ANTXR2: variants seen among roughly 807,000 people sequenced by gnomAD.
The protein encoded by ANTXR2 is ANTXR cell adhesion molecule 2.
In ANTXR2, 44 loss-of-function variants were observed where a neutral mutation model predicts 73.7. The ratio of observed to expected loss-of-function variants is 0.60; its 90% CI spans 0.47 to 0.77. ANTXR2 has a LOEUF of 0.77. Among genes scored for constraint, ANTXR2 ranks in the 30% least tolerant of loss-of-function variants. The pLI, the probability that ANTXR2 is intolerant of heterozygous loss-of-function variation, is 0.00. For missense variants in ANTXR2, 604 were observed against 592.5 expected (o/e 1.02, Z -0.20); for synonymous variants, 217 against 205.9 (o/e 1.05, Z -0.46).
chr4:79,915,510 G>A (rs966823363), intron 16 of ANTXR2, among the ~76,000 whole-genome samples: 5 of 151,976 alleles, frequency 3.3e-5, no homozygotes, highest in African/African-American at 1.2e-4. Flanking sequence ...GCAAACAACT[G>A]CACTTTAGTT....
At chr4:80,049,419 G>A (rs1219954835) in intron 7 of ANTXR2, among the ~76,000 whole-genome samples, 7 of 151,658 alleles carry the variant, frequency 4.6e-5, no homozygotes, top group Non-Finnish European at 8.9e-5. Context: ...ACATTCCAAG[G>A]ATTTAAAGAT....
chr4:80,001,751 T>C (rs1169278361), intron 12 of ANTXR2, among the ~76,000 whole-genome samples: 1 of 151,496 alleles, frequency 6.6e-6, no homozygotes, highest in Non-Finnish European at 1.5e-5. Flanking sequence ...GGTGCATATA[T>C]ATTTAGGATA....
At chr4:80,068,508 C>A (rs1293988457) in intron 3 of ANTXR2, among the ~76,000 whole-genome samples, 3 of 152,236 alleles carry the variant, frequency 2.0e-5, no homozygotes, top group East Asian at 3.9e-4. Flanking sequence ...GTGGCTCACA[C>A]CTATAATCCC....
rs186177815 is a variant in ANTXR2, at chr4:79,945,886, T to A, written c.1428+31735A>T. 3.7e-3 allele frequency among the ~76,000 whole-genome samples: 557 copies of A among 152,160 alleles called. 3 individuals carry two copies. The highest frequency in any genetic ancestry group is 0.011 in the African/African-American group (452 of 41,520). On this transcript the variant is annotated intron_variant, in intron 16 of 16. Coordinates refer to ENST00000403729, the MANE Select transcript of ANTXR2 (RefSeq NM_058172.6). ...TGAATAATGGTCCTAAATTTTTTTT[T>A]AAAAAAGCTGAAAGCAGAGAAAGTA...
intron 12 of ANTXR2, among the ~76,000 whole-genome samples, chr4:80,005,014 G>T (rs1300890844): frequency 2.0e-5 from 3 of 152,024 alleles, no homozygotes. Context: ...TTGATTAGAG[G>T]TCTATGAGAT....
At chr4:79,952,551 C>A (rs557328288) in intron 16 of ANTXR2, among the ~76,000 whole-genome samples, 2 of 151,952 alleles carry the variant, frequency 1.3e-5, no homozygotes, top group Admixed American at 6.5e-5. Context: ...AATGCTCCAA[C>A]ATGCCAAAAA....
intron 11 of ANTXR2, among the ~76,000 whole-genome samples, chr4:80,013,863 C>T (rs1038847781): frequency 9.9e-5 from 15 of 152,226 alleles, no homozygotes; most frequent in African/African-American, 2.9e-4. Context: ...AATAATTTTC[C>T]TATAATTACT....
chr4:79,973,118 G>A (rs1578120540), intron 16 of ANTXR2, among the ~76,000 whole-genome samples: 1 of 151,584 alleles, frequency 6.6e-6, no homozygotes, highest in East Asian at 1.9e-4. Flanking sequence ...GGGAGGGAAA[G>A]AGGAAGGTGG....
intron 10 of ANTXR2, among the ~76,000 whole-genome samples, chr4:80,021,710 C>A (rs574054685): frequency 6.6e-6 from 1 of 151,724 alleles, no homozygotes; most frequent in African/African-American, 2.4e-5. Flanking sequence ...ATCTTGTAAC[C>A]GACAAAAATA....
rs36013008 is a variant in ANTXR2, at chr4:80,012,340, C to CT, written c.946-3725dup. ...TGGTAAGACCCCAGCAAGCTAATAC[C>CT]TTTTTTTTTTTTACAGTATTACATA... On this transcript the variant is annotated intron_variant, in intron 11 of 16. Coordinates refer to ENST00000403729, the MANE Select transcript of ANTXR2 (RefSeq NM_058172.6). Among the ~76,000 whole-genome samples, 875 of 146,514 alleles carry CT rather than the reference C, an allele frequency of 6.0e-3. 10 individuals are homozygous for CT. Among genetic ancestry groups the CT allele is most frequent in the African/African-American group, 0.019 (745 of 40,064 alleles).
intron 2 of ANTXR2, 132 bp from the exon 3 acceptor site, chr4:80,069,639 C>G (rs928032154): frequency 3.4e-5 from 23 of 670,168 alleles, no homozygotes; most frequent in Middle Eastern, 4.0e-4. Context: ...AATGACATTC[C>G]CTAAGTAAAT....
chr4:80,047,447 C>T (rs1287079290), intron 7 of ANTXR2, among the ~76,000 whole-genome samples: 1 of 151,504 alleles, frequency 6.6e-6, no homozygotes, highest in Non-Finnish European at 1.5e-5. Flanking sequence ...TTTGTTCCTA[C>T]CCTGGACACT....
rs188558729 is a variant in ANTXR2, at chr4:79,998,180, G to A, written c.1041+10341C>T. Among the ~76,000 whole-genome samples, 85 of 151,922 alleles carry A rather than the reference G, an allele frequency of 5.6e-4. 2 individuals carry two copies. Among genetic ancestry groups the A allele is most frequent in the Admixed American group, 5.9e-4 (9 of 15,232 alleles). ...TTCCAGCTAGACATATCATCATCGC[G>A]TGAGATCAACTAACTTATAGGCAAA... On this transcript the variant is annotated intron_variant, in intron 12 of 16. Coordinates refer to ENST00000403729, the MANE Select transcript of ANTXR2 (RefSeq NM_058172.6).
intron 10 of ANTXR2, among the ~76,000 whole-genome samples, chr4:80,028,285 T>A (rs1732530084): frequency 6.6e-6 from 1 of 152,136 alleles, no homozygotes; most frequent in African/African-American, 2.4e-5. Context: ...CAGATAACTT[T>A]AACTTTCCTT....
chr4:80,030,942 G>T (rs754309435), intron 10 of ANTXR2, among the ~76,000 whole-genome samples: 1 of 151,694 alleles, frequency 6.6e-6, no homozygotes, highest in Non-Finnish European at 1.5e-5. Flanking sequence ...CTTCATCATA[G>T]AACTGAAAAA....
At chr4:80,001,012 C>A (rs4561875) in intron 12 of ANTXR2, among the ~76,000 whole-genome samples, 2 of 151,792 alleles carry the variant, frequency 1.3e-5, no homozygotes, top group African/African-American at 4.8e-5. Flanking sequence ...ATTGTAAACC[C>A]GTCTCTTCCA....
chr4:80,055,396 C>A lies in ANTXR2; in HGVS notation c.450G>T (p.Lys150Asn), dbSNP rs747281298. 33 of 1,611,106 alleles carry A rather than the reference C, an allele frequency of 2.0e-5. No homozygotes were observed. The highest frequency in any genetic ancestry group is 2.8e-5 in the Non-Finnish European group (33 of 1,178,360). The change falls in exon 5 of 17, where the codon AAG becomes AAT. Residue 150 changes from lysine (K) to asparagine (N), a missense_variant. Transcript: ENST00000403729. ...SSIIIALTDG[K>N]LDGLVPSYAE... ...CATATGATGGCACCAGACCGTCCAA[C>A]TTGCCATCTGTCAGAGCAATTATGA...
intron 16 of ANTXR2, among the ~76,000 whole-genome samples, chr4:79,927,218 A>C (rs1727851658): frequency 6.6e-6 from 1 of 151,922 alleles, no homozygotes; most frequent in Admixed American, 6.6e-5. Context: ...CAAAATCTAA[A>C]CAACAAAAAA....
intron 7 of ANTXR2, among the ~76,000 whole-genome samples, chr4:80,039,930 C>T (rs1733155871): frequency 6.6e-6 from 1 of 152,176 alleles, no homozygotes; most frequent in South Asian, 2.1e-4. Flanking sequence ...GAATAAAACA[C>T]AGCCATAAAA....
Sources: allele counts gnomAD v4.1 joint callset (sites outside exome capture counted in the v4.1 genomes callset), GRCh38; gene constraint gnomAD v4.1.1; transcripts MANE v1.5; gene names NCBI Gene and HGNC (gene_info 2026-07-23, HGNC 2026-07-21).